Variants in NAALADL2 observed in about 807,000 individuals in gnomAD.
NAALADL2 encodes N-acetylated alpha-linked acidic dipeptidase like 2.
Under a neutral mutation model 87.2 loss-of-function variants are expected in NAALADL2, and 76 were observed. The ratio of observed to expected loss-of-function variants is 0.87; its 90% CI spans 0.72 to 1.05. The LOEUF is 1.05. Ranked by LOEUF, NAALADL2 falls within the 50% of genes least tolerant of loss-of-function variation. The pLI is 0.00. For synonymous variants in NAALADL2, 354 were observed against 331.0 expected (o/e 1.07, Z -0.75); for missense variants, 1,089 against 945.8 (o/e 1.15, Z -1.99).
intron 1 of NAALADL2, among the ~76,000 whole-genome samples, chr3:174,963,841 TAAC>T (rs924869029): frequency 1.3e-5 from 2 of 152,154 alleles, no homozygotes; most frequent in Non-Finnish European, 2.9e-5. Context: ...GTAGAAATCT[TAAC>T]AATGACAGGA....
intron 11 of NAALADL2, among the ~76,000 whole-genome samples, chr3:175,732,873 GA>G (rs1183805494): frequency 2.0e-5 from 3 of 151,162 alleles, no homozygotes; most frequent in Non-Finnish European, 4.4e-5. Flanking sequence ...ATGTACATGG[GA>G]GGGGAACAAC....
chr3:175,717,642 G>C (rs570672034), intron 11 of NAALADL2, among the ~76,000 whole-genome samples: 1 of 149,490 alleles, frequency 6.7e-6, no homozygotes, highest in South Asian at 2.1e-4. Flanking sequence ...AGTGACCCAA[G>C]ATCGTACCAC....
chr3:175,524,777 A>G (rs995550300), intron 9 of NAALADL2, among the ~76,000 whole-genome samples: 1 of 152,198 alleles, frequency 6.6e-6, no homozygotes, highest in South Asian at 2.1e-4. Context: ...TAAGTTAACA[A>G]GAGAGATAGC....
intron 2 of NAALADL2, among the ~76,000 whole-genome samples, chr3:174,626,264 C>A (rs1578358896): frequency 6.6e-6 from 1 of 151,974 alleles, no homozygotes; most frequent in East Asian, 1.9e-4. Context: ...AAAATTCTAC[C>A]AATTGTGCAT....
intron 9 of NAALADL2, among the ~76,000 whole-genome samples, chr3:175,496,728 G>C (rs1008952641): frequency 6.6e-6 from 1 of 151,772 alleles, no homozygotes; most frequent in African/African-American, 2.4e-5. Context: ...TATTTTTTGT[G>C]TGGTTTTTTT....
chr3:174,948,593 A>G (rs1166972144), intron 1 of NAALADL2, among the ~76,000 whole-genome samples: 3 of 152,210 alleles, frequency 2.0e-5, no homozygotes, highest in Non-Finnish European at 4.4e-5. Context: ...GAGTGTCACA[A>G]CACAGTCATT....
chr3:175,191,644 C>T (rs1000738537), intron 2 of NAALADL2, among the ~76,000 whole-genome samples: 1 of 152,148 alleles, frequency 6.6e-6, no homozygotes. Context: ...TTAGGAGAGG[C>T]TTTGCTGAGC....
chr3:174,753,267 G>A (rs1370900596), intron 3 of NAALADL2, among the ~76,000 whole-genome samples: 2 of 152,040 alleles, frequency 1.3e-5, no homozygotes, highest in African/African-American at 4.8e-5. Context: ...TTAGAGTTGG[G>A]GTTTCACCCC....
chr3:175,793,272 C>CAA (rs36163802), intron 13 of NAALADL2, among the ~76,000 whole-genome samples: 8 of 143,950 alleles, frequency 5.6e-5, no homozygotes, highest in South Asian at 2.2e-4. Context: ...AGGCAAGATT[C>CAA]AAAAAAAACT....
At chr3:174,702,818 C>T (rs79719038) in intron 2 of NAALADL2, among the ~76,000 whole-genome samples, 16,158 of 152,164 alleles carry the variant, frequency 0.11, 884 homozygotes, top group South Asian at 0.13. Context: ...CATCGTTATG[C>T]AGTGCATAAC....
At chr3:174,738,347 C>A (rs1394637353) in intron 3 of NAALADL2, among the ~76,000 whole-genome samples, 1 of 152,148 alleles carries the variant, frequency 6.6e-6, no homozygotes, top group African/African-American at 2.4e-5. Context: ...TGAGCAGAGC[C>A]AGTATAACCA....
chr3:175,749,553 C>T (rs1321484193), intron 12 of NAALADL2, among the ~76,000 whole-genome samples: 1 of 151,946 alleles, frequency 6.6e-6, no homozygotes, highest in East Asian at 1.9e-4. Flanking sequence ...GAGGGGAAAA[C>T]AAAGAGAGAG....
intron 5 of NAALADL2, among the ~76,000 whole-genome samples, chr3:175,419,011 C>T (rs1715184854): frequency 7.0e-6 from 1 of 143,266 alleles, no homozygotes; most frequent in Admixed American, 7.0e-5. Context: ...TTTTCTTTTT[C>T]TTTTTTTTTT....
intron 9 of NAALADL2, among the ~76,000 whole-genome samples, chr3:175,509,160 G>A (rs1730782904): frequency 6.7e-6 from 1 of 150,112 alleles, no homozygotes; most frequent in African/African-American, 2.4e-5. Flanking sequence ...TGCCAACAAA[G>A]CCTCTATGTC....
intron 11 of NAALADL2, among the ~76,000 whole-genome samples, chr3:175,632,266 T>TCTC (rs1727873574): frequency 7.7e-6 from 1 of 129,472 alleles, no homozygotes; most frequent in Non-Finnish European, 1.7e-5. Flanking sequence ...CACTTTCCCC[T>TCTC]TCTCTCTCTC....
chr3:174,547,669 T>C (rs1046073153), intron 1 of NAALADL2, among the ~76,000 whole-genome samples: 1 of 152,294 alleles, frequency 6.6e-6, no homozygotes, highest in East Asian at 1.9e-4. Flanking sequence ...AATCCTACAT[T>C]CTTCCTAAGA....
chr3:174,610,780 A>G (rs913104528), intron 2 of NAALADL2, among the ~76,000 whole-genome samples: 1 of 152,284 alleles, frequency 6.6e-6, no homozygotes, highest in Admixed American at 6.5e-5. Context: ...ATGTAGAACT[A>G]GAAATACCAT....
chr3:174,963,392 TTGTC>T (rs1390384712), intron 1 of NAALADL2, among the ~76,000 whole-genome samples: 5 of 152,156 alleles, frequency 3.3e-5, no homozygotes, highest in Non-Finnish European at 7.4e-5. Context: ...ATATTATAGA[TTGTC>T]TGAATGTTTT....
intron 1 of NAALADL2, among the ~76,000 whole-genome samples, chr3:174,534,357 T>C (rs1403735618): frequency 6.6e-6 from 1 of 152,248 alleles, no homozygotes; most frequent in East Asian, 1.9e-4. Context: ...TTGTTTGGAA[T>C]GCTATTTAAA....
Sources: gnomAD v4.1 joint callset for allele counts (sites outside exome capture counted in the v4.1 genomes callset) on GRCh38, gnomAD v4.1.1 for gene constraint, MANE v1.5 for transcripts, NCBI Gene and HGNC (gene_info 2026-07-23, HGNC 2026-07-21) for gene names.